The following UPP2 variants were observed in gnomAD, a reference collection of about 807,000 sequenced individuals.
UPP2 encodes the protein UPase 2.
In UPP2, 23 loss-of-function variants were observed where a neutral mutation model predicts 26.7. The ratio of observed to expected loss-of-function variants is 0.86; its 90% CI spans 0.62 to 1.22. The LOEUF (loss-of-function observed/expected upper bound fraction) is 1.22. Ranked by LOEUF, UPP2 falls within the 50% of genes most tolerant of loss-of-function variation. The pLI, the probability that UPP2 is intolerant of heterozygous loss-of-function variation, is 0.00. For synonymous variants in UPP2, 127 were observed against 141.3 expected, an observed-to-expected ratio of 0.90 and a Z score of 0.72; for missense variants, 387 against 396.7, an observed-to-expected ratio of 0.98 and a Z score of 0.21.
At chr2:158,031,925 A>G (rs372292693) in intron 3 of UPP2, among the ~76,000 whole-genome samples, 1 of 152,230 alleles carries the variant, frequency 6.6e-6, no homozygotes, top group African/African-American at 2.4e-5. Context: ...CATTATCACC[A>G]AGATACCTCC....
chr2:158,120,793 G>A (rs1683548723), intron 4 of UPP2, among the ~76,000 whole-genome samples: 1 of 152,010 alleles, frequency 6.6e-6, no homozygotes, highest in South Asian at 2.1e-4. Context: ...CACCTGAAGA[G>A]TGACTTGGTG....
chr2:158,131,163 G>C (rs1574314111), intron 6 of UPP2, among the ~76,000 whole-genome samples: 1 of 152,156 alleles, frequency 6.6e-6, no homozygotes, highest in Non-Finnish European at 1.5e-5. Context: ...GAGGAGCAAT[G>C]GGGGAGGGTA....
chr2:158,058,154 A>G (rs1319993091), intron 3 of UPP2, among the ~76,000 whole-genome samples: 4 of 151,952 alleles, frequency 2.6e-5, no homozygotes, highest in Non-Finnish European at 4.4e-5. Flanking sequence ...TTAGCTGGGT[A>G]TTGTGGCGTG....
chr2:158,068,173 A>G (rs1490049612), intron 3 of UPP2, among the ~76,000 whole-genome samples: 1 of 152,196 alleles, frequency 6.6e-6, no homozygotes, highest in Non-Finnish European at 1.5e-5. Context: ...CTACAACCTC[A>G]TCTGTTGGAA....
intron 3 of UPP2, among the ~76,000 whole-genome samples, chr2:158,070,063 G>A (rs780347526): frequency 7.2e-5 from 11 of 152,034 alleles, no homozygotes; most frequent in Non-Finnish European, 1.2e-4. Context: ...GCTTTTTCTT[G>A]GGTGTTCTAG....
intron 3 of UPP2, among the ~76,000 whole-genome samples, chr2:158,019,119 A>G (rs1017972059): frequency 6.6e-6 from 1 of 152,228 alleles, no homozygotes; most frequent in Non-Finnish European, 1.5e-5. Flanking sequence ...ATTTGTGTGA[A>G]AACATCAAGA....
At chr2:158,093,857 A>G (rs1682947905) in intron 3 of UPP2, among the ~76,000 whole-genome samples, 1 of 151,880 alleles carries the variant, frequency 6.6e-6, no homozygotes, top group African/African-American at 2.4e-5. Flanking sequence ...CACACATTAG[A>G]GAAACTCTTA....
intron 3 of UPP2, among the ~76,000 whole-genome samples, chr2:158,043,674 T>G (rs1684111236): frequency 1.3e-5 from 2 of 152,174 alleles, no homozygotes; most frequent in South Asian, 4.1e-4. Flanking sequence ...ATGTGCTTGC[T>G]TAGGAGGATG....
intron 6 of UPP2, among the ~76,000 whole-genome samples, chr2:158,127,104 G>A (rs954386789): frequency 2.0e-5 from 3 of 152,180 alleles, no homozygotes; most frequent in Non-Finnish European, 4.4e-5. Context: ...GCACAAGGAG[G>A]CCTTGGGTCC....
intron 3 of UPP2, among the ~76,000 whole-genome samples, chr2:158,076,560 G>A (rs1209994674): frequency 3.3e-5 from 5 of 151,928 alleles, no homozygotes; most frequent in Non-Finnish European, 7.4e-5. Flanking sequence ...CAGAATGAAG[G>A]ATGAAAATCA....
chr2:158,087,617 T>C (rs1682837714), intron 3 of UPP2, among the ~76,000 whole-genome samples: 1 of 152,230 alleles, frequency 6.6e-6, no homozygotes, highest in Non-Finnish European at 1.5e-5. Context: ...AATGAGGTTC[T>C]ATTTTGGTGC....
intron 3 of UPP2, among the ~76,000 whole-genome samples, chr2:158,063,089 A>G (rs374975529): frequency 5.3e-5 from 8 of 152,338 alleles, no homozygotes; most frequent in East Asian, 1.9e-4. Flanking sequence ...TACTTGCAAT[A>G]TAAGTGTAGC....
rs969631437 is a variant in UPP2, at chr2:158,124,450, G to A, written c.811+555G>A. On this transcript the variant is annotated intron_variant, in intron 6 of 6. Transcript: ENST00000005756. ...GAGGGAAGATGTACAGATTGTGTAG[G>A]ACACTGTGAGAACAATGACTTTCAC... is the stretch of plus-strand genomic sequence containing the variant. 3.3e-5 allele frequency among the ~76,000 whole-genome samples: 5 copies of A among 152,134 alleles called. No homozygotes were observed. In the East Asian group the frequency reaches 5.8e-4, roughly 18 times the overall value.
At chr2:158,059,155 T>A (rs1480627009) in intron 3 of UPP2, among the ~76,000 whole-genome samples, 1 of 152,232 alleles carries the variant, frequency 6.6e-6, no homozygotes, top group Non-Finnish European at 1.5e-5. Context: ...AAAGAACAAC[T>A]ATCTAGTCGA....
At chr2:158,118,915 G>A (rs1683500425) in intron 4 of UPP2, among the ~76,000 whole-genome samples, 1 of 151,972 alleles carries the variant, frequency 6.6e-6, no homozygotes, top group Non-Finnish European at 1.5e-5. Context: ...CCACAGCCGT[G>A]GTCCAGGAAT....
chr2:157,999,320 A>G (rs1683369874), intron 2 of UPP2, among the ~76,000 whole-genome samples: 1 of 152,186 alleles, frequency 6.6e-6, no homozygotes, highest in Non-Finnish European at 1.5e-5. Flanking sequence ...CTGGGATTAC[A>G]GGTGCCTGCC....
chr2:158,101,668 C>G (rs535096392), upstream of UPP2, among the ~76,000 whole-genome samples: 14 of 152,290 alleles, frequency 9.2e-5, no homozygotes, highest in South Asian at 2.9e-3. Context: ...TGTCTCAAAG[C>G]AAATAAGCCT....
Position 158,118,140 on chromosome 2 carries a change from G to A in UPP2, c.454+202G>A, listed in dbSNP as rs566853371. 1.1e-3 allele frequency among the ~76,000 whole-genome samples: 160 copies of A among 151,940 alleles called. 1 individual carries two copies. The highest frequency in any genetic ancestry group is 3.6e-3 in the African/African-American group (149 of 41,484). On this transcript the variant is annotated intron_variant, in intron 4 of 6. Transcript: ENST00000005756. The stretch of plus-strand genomic sequence containing the variant: ...CTTTTTTCTTTATGGAAACCCACAG[G>A]GAGAGATCTCACTGCCTATTGCGGG...
chr2:158,103,441 C>A (rs1035848279), intron 1 of UPP2, among the ~76,000 whole-genome samples: 1 of 152,104 alleles, frequency 6.6e-6, no homozygotes, highest in Non-Finnish European at 1.5e-5. Flanking sequence ...TCTCCTTGAC[C>A]AAGTCAATCC....
Sources: allele counts gnomAD v4.1 joint callset (sites outside exome capture counted in the v4.1 genomes callset), GRCh38; gene constraint gnomAD v4.1.1; transcripts MANE v1.5; gene names NCBI Gene and HGNC (gene_info 2026-07-23, HGNC 2026-07-21).